DNAAF5: variants seen among roughly 807,000 people sequenced by gnomAD.
The protein encoded by DNAAF5 is HEAT repeat containing 2.
DNAAF5 carries 64 observed loss-of-function variants against 75.8 expected under a neutral mutation model. The observed-to-expected ratio is 0.84, with a 90% CI of 0.69 to 1.04. The LOEUF is 1.04. Ranked by LOEUF, DNAAF5 falls within the 50% of genes least tolerant of loss-of-function variation. The pLI is 0.00. For synonymous variants in DNAAF5, 657 were observed against 557.2 expected (o/e 1.18, Z -2.52); for missense variants, 1,269 against 1,178.5 (o/e 1.08, Z -1.12).
Position 770,476 on chromosome 7 carries a change from G to T in DNAAF5, c.1789G>T (p.Ala597Ser), listed in dbSNP as rs1198904007. 6.2e-7 allele frequency: 1 copy of T among 1,613,252 alleles called. No homozygotes were observed. The change falls in exon 9 of 13, where the codon GCC (alanine) becomes TCC (serine). Residue 597 changes from alanine to serine, a missense_variant. By Grantham distance (99) the Ala-to-Ser change is moderately conservative. Coordinates refer to ENST00000297440, the MANE Select transcript of DNAAF5 (RefSeq NM_017802.4). ...FSVIVAQSGPALGEALPHVVP... is the reference protein window; with the variant it reads ...FSVIVAQSGPSLGEALPHVVP... ...GCCTCTGTTGTGTCTTACAGGCCCTGCCCTGGGAGAAGCCCTGCCACACGT... is the reference window on the plus strand; with the variant it reads ...GCCTCTGTTGTGTCTTACAGGCCCTTCCCTGGGAGAAGCCCTGCCACACGT...
In DNAAF5 at chr7:726,940, G is replaced by C; in HGVS notation, c.220G>C (p.Ala74Pro). ...CCCCACCGCTTTCCAGGGCCCCTGGGCGCGCCTACTGCTGCCGCGCTTGCT... is the reference window on the plus strand; with the variant it reads ...CCCCACCGCTTTCCAGGGCCCCTGGCCGCGCCTACTGCTGCCGCGCTTGCT... ...ADPTAFQGPW[A>P]RLLLPRLLRC... The change falls in exon 1 of 13, where the codon GCG becomes CCG. Residue 74 changes from alanine to proline, a missense_variant. Coordinates refer to ENST00000297440, the MANE Select transcript of DNAAF5 (RefSeq NM_017802.4). 3.0e-6 allele frequency: 4 copies of C among 1,340,196 alleles called. No homozygotes were observed. The highest frequency in any genetic ancestry group is 3.8e-6 in the Non-Finnish European group (4 of 1,042,460). 83.0% of individuals were successfully genotyped at this position (1,340,196 alleles called of 1,614,324 possible).
chr7:757,917 G>A lies in DNAAF5; in HGVS notation c.1470+923G>A, dbSNP rs144701906. ...GGACTTGCCACTGTGCTCTCAGCCC[G>A]GCCTGTCCTGTGTCAGGCTCCCTCT... On this transcript the variant is annotated intron_variant, in intron 6 of 12. Transcript: ENST00000297440. Among the ~76,000 whole-genome samples the A allele has an allele frequency of 2.9e-3, 440 of 152,348 alleles. 1 individual carries two copies. The highest frequency in any genetic ancestry group is 0.01 in the African/African-American group (428 of 41,586).
rs1453293793 is a variant in DNAAF5 at position 774,028 on chromosome 7, CCT to C, written c.1932-16_1932-15del. ...GCACCTGTCCGGTCTCCTCATCCAC[CCT>C]CTCCGTTCCGGTTCCAGGCAGTTTC... On this transcript the variant is annotated intron_variant, in intron 9 of 12. Coordinates refer to ENST00000297440, the MANE Select transcript of DNAAF5 (RefSeq NM_017802.4). 6 of 1,613,970 alleles carry C rather than the reference CCT, an allele frequency of 3.7e-6. No homozygotes were observed. Among genetic ancestry groups the C allele is most frequent in the Non-Finnish European group, 5.1e-6 (6 of 1,179,988 alleles).
chr7:765,583 T>C (rs777907480), intron 8 of DNAAF5, among the ~76,000 whole-genome samples: 7 of 152,122 alleles, frequency 4.6e-5, no homozygotes, highest in Admixed American at 6.5e-5. Flanking sequence ...TTGGCGGAAC[T>C]GATTGGCAGC....
chr7:785,438 A>G (rs1006418492), intron 12 of DNAAF5, 79 bp from the exon 13 acceptor site: 3 of 1,540,836 alleles, frequency 1.9e-6, no homozygotes, highest in South Asian at 2.4e-5. Flanking sequence ...GAACTTCACT[A>G]CAAAGCCAAT....
At chr7:729,380 T>C (rs2128068738) in intron 1 of DNAAF5, among the ~76,000 whole-genome samples, 1 of 152,330 alleles carries the variant, frequency 6.6e-6, no homozygotes, top group South Asian at 2.1e-4. Flanking sequence ...TCAGCCACAA[T>C]GGGTTTGCAC....
chr7:774,398 G>C (rs566537053), intron 10 of DNAAF5, among the ~76,000 whole-genome samples, 200 bp downstream of exon 10: 1 of 152,334 alleles, frequency 6.6e-6, no homozygotes, highest in Admixed American at 6.5e-5. Flanking sequence ...GACAGCAGGC[G>C]GGAGAGCGGG....
intron 6 of DNAAF5, among the ~76,000 whole-genome samples, chr7:759,628 G>A (rs961488644): frequency 4.0e-5 from 6 of 151,702 alleles, no homozygotes; most frequent in Middle Eastern, 3.4e-3. Flanking sequence ...TTTCTTTTTC[G>A]TTCTGTGTGT....
At chr7:761,489 G>A (rs944311262) in intron 6 of DNAAF5, among the ~76,000 whole-genome samples, 1 of 152,264 alleles carries the variant, frequency 6.6e-6, no homozygotes, top group African/African-American at 2.4e-5. Flanking sequence ...ATGGTGGAAG[G>A]CAAAGGAGGA....
At position 785,856 on chromosome 7, in the gene DNAAF5, C is replaced by G; in HGVS notation, c.*203C>G. 1.7e-6 allele frequency: 1 copy of G among 572,682 alleles called. No individual in the cohort carries two copies. The highest frequency in any genetic ancestry group is 1.9e-5 in the African/African-American group (1 of 52,692). The allele number at this position is 572,682 out of a possible 1,614,324, so 35.5% of individuals were successfully genotyped here. A position where few individuals can be genotyped will look rare whatever the true frequency, so the allele number is the denominator to read the frequency against. On this transcript the variant is annotated 3_prime_UTR_variant, in exon 13 of 13. Coordinates refer to ENST00000297440, the MANE Select transcript of DNAAF5 (RefSeq NM_017802.4). ...ATGTTATGTGATTTGTTCTGTTCAT[C>G]GAGAGGGCTCCCAAACATCTGCAGC...
At chr7:764,608 C>T (rs1420586888) in intron 8 of DNAAF5, among the ~76,000 whole-genome samples, 1 of 152,228 alleles carries the variant, frequency 6.6e-6, no homozygotes, top group African/African-American at 2.4e-5. Context: ...GCCCCCGCCT[C>T]CTGTTGGATG....
At chr7:756,713 G>A (rs967052914) in intron 5 of DNAAF5, 69 bp from the exon 6 acceptor site, 29 of 1,462,716 alleles carry the variant, frequency 2.0e-5, no homozygotes, top group Admixed American at 1.2e-4. Context: ...AGGCCACGGC[G>A]CCGAGAGCAG....
chr7:734,581 C>G (rs1293861880), intron 2 of DNAAF5, among the ~76,000 whole-genome samples: 2 of 152,224 alleles, frequency 1.3e-5, no homozygotes, highest in African/African-American at 2.4e-5. Context: ...CAGGGTAGTA[C>G]TGGCCTCATA....
intron 10 of DNAAF5, among the ~76,000 whole-genome samples, chr7:774,663 G>A (rs1394935837): frequency 6.6e-6 from 1 of 152,160 alleles, no homozygotes; most frequent in East Asian, 1.9e-4. Flanking sequence ...GCTGCCCTGG[G>A]CGCCCGTGCA....
rs564062845 is a variant in DNAAF5, at chr7:786,363, G to A, written c.*710G>A. 6.6e-6 allele frequency: 1 copy of A among 152,340 alleles called. No individual in the cohort carries two copies. Among genetic ancestry groups the A allele is most frequent in the Admixed American group, 6.5e-5 (1 of 15,306 alleles). 9.4% of individuals were successfully genotyped at this position (152,340 alleles called of 1,614,324 possible). ...TAAAAGATCTCATTGTAAGTGGGTA[G>A]TGTTACCGGAAGCCATTGTGTTCAC... On this transcript the variant is annotated 3_prime_UTR_variant, in exon 13 of 13. Transcript: ENST00000297440.
chr7:776,303 T>C (rs749238622), intron 11 of DNAAF5, among the ~76,000 whole-genome samples: 2 of 151,790 alleles, frequency 1.3e-5, no homozygotes, highest in Non-Finnish European at 2.9e-5. Context: ...ACCATTGCAC[T>C]CCAGCCTGGG....
chr7:747,146 G>C (rs113594478), intron 4 of DNAAF5, among the ~76,000 whole-genome samples: 134 of 152,340 alleles, frequency 8.8e-4, no homozygotes, highest in African/African-American at 3.1e-3. Context: ...TCAGGCGTGG[G>C]GTTGCTGGGC....
chr7:771,164 G>GATTGAATTTCTATTGA (rs1562397173), intron 9 of DNAAF5: 5 of 152,386 alleles, frequency 3.3e-5, no homozygotes, highest in Non-Finnish European at 7.3e-5. Context: ...GATGGTCAAA[G>GATTGAATTTCTATTGA]TGGTAAAAAT....
intron 9 of DNAAF5, chr7:770,919 G>A (rs955581620): frequency 3.3e-6 from 1 of 302,178 alleles, no homozygotes; most frequent in African/African-American, 2.1e-5. Context: ...TGACCCCTGA[G>A]CTTAACTGGC....
Sources: gnomAD v4.1 joint callset for allele counts (sites outside exome capture counted in the v4.1 genomes callset) on GRCh38, gnomAD v4.1.1 for gene constraint, MANE v1.5 for transcripts, NCBI Gene and HGNC (gene_info 2026-07-23, HGNC 2026-07-21) for gene names.